Variants in MAOB observed in about 807,000 individuals in gnomAD.
MAOB encodes monoamine oxidase B.
Under a neutral mutation model 41.9 loss-of-function variants are expected in MAOB, and 15 were observed. The observed-to-expected ratio is 0.36, with a 90% confidence interval of 0.24 to 0.55. The LOEUF (loss-of-function observed/expected upper bound fraction) is 0.55, where lower values mean the gene tolerates loss of function less well. Among genes scored for constraint, MAOB ranks in the 20% least tolerant of loss-of-function variants. The pLI is 0.86. For synonymous variants in MAOB, 167 were observed against 144.2 expected (o/e 1.16, Z -1.13); for missense variants, 345 against 398.7 (o/e 0.87, Z 1.15).
chrX:43,851,558 C>T (rs1308874610), intron 1 of MAOB, among the ~76,000 whole-genome samples: 5 of 111,554 alleles, frequency 4.5e-5, no homozygotes, highest in Non-Finnish European at 9.4e-5. Flanking sequence ...AGCCCTCCTA[C>T]GGATTACCAA....
At chrX:43,797,327 T>G in intron 5 of MAOB, 61 bp from the exon 6 acceptor site, 2 of 920,852 alleles carry the variant, frequency 2.2e-6, no homozygotes, top group Non-Finnish European at 2.9e-6. Flanking sequence ...CTTAATTCTC[T>G]AAAAATTATT....
intron 1 of MAOB, among the ~76,000 whole-genome samples, chrX:43,862,502 CT>C (rs201521355): frequency 1.2e-3 from 131 of 112,594 alleles, no homozygotes; most frequent in Middle Eastern, 4.6e-3. Flanking sequence ...TCACTAAAGG[CT>C]TGTGAAAGCA....
At chrX:43,785,075 G>A (rs774839723) in intron 8 of MAOB, among the ~76,000 whole-genome samples, 2 of 112,923 alleles carry the variant, frequency 1.8e-5, no homozygotes, top group Admixed American at 9.3e-5. Flanking sequence ...TTGAACCAGG[G>A]AGCCGGAAGT....
intron 3 of MAOB, among the ~76,000 whole-genome samples, chrX:43,837,200 A>C (rs1442664332): frequency 1.8e-5 from 2 of 112,333 alleles, no homozygotes; most frequent in African/African-American, 6.5e-5. Context: ...CGGTCAAGAA[A>C]ATCTACATTT....
chrX:43,845,478 A>ATAAG (rs762350103), intron 1 of MAOB, among the ~76,000 whole-genome samples: 64 of 112,316 alleles, frequency 5.7e-4, no homozygotes, highest in Non-Finnish European at 7.5e-4. Context: ...ACCCCATGAG[A>ATAAG]TAAGTACTGT....
chrX:43,833,209 T>C (rs1174351115), intron 3 of MAOB, among the ~76,000 whole-genome samples: 1 of 111,366 alleles, frequency 9.0e-6, no homozygotes, highest in Non-Finnish European at 1.9e-5. Flanking sequence ...AATTCACAAC[T>C]AAATAACTTA....
Position 43,813,960 on chromosome X carries a change from T to G in MAOB, c.280-10556A>C, listed in dbSNP as rs535729907. On this transcript the variant is annotated intron_variant, in intron 3 of 14. Coordinates refer to ENST00000378069, the MANE Select transcript of MAOB (RefSeq NM_000898.5). ...AGGCAAAGAGGAAGTGTTGGTGGTT[T>G]GAGGTTGGTTGCAATTTTAATTAAA... Among the ~76,000 whole-genome samples the G allele has an allele frequency of 6.4e-4, 71 of 110,426 alleles. 1 individual carries two copies. The South Asian group carries it at 0.028, about 43-fold the overall frequency.
Position 43,849,916 on chromosome X carries a change from C to G in MAOB, c.47-6152G>C, listed in dbSNP as rs143957976. Among the ~76,000 whole-genome samples, 839 of 112,274 alleles carry G rather than the reference C, an allele frequency of 7.5e-3. 5 individuals carry two copies. The highest frequency in any genetic ancestry group is 0.012 in the Non-Finnish European group (622 of 53,255). ...CATACTGAAACTGATTTCCTCTGGT[C>G]ATCCAGAAATGGTAACATAAACTTT... On this transcript the variant is annotated intron_variant, in intron 1 of 14. Coordinates refer to ENST00000378069, the MANE Select transcript of MAOB (RefSeq NM_000898.5).
intron 1 of MAOB, among the ~76,000 whole-genome samples, chrX:43,876,567 T>C (rs935307240): frequency 4.5e-5 from 5 of 112,325 alleles, no homozygotes; most frequent in African/African-American, 1.6e-4. Context: ...GGGGAACAGA[T>C]GGGATTTGAG....
chrX:43,794,427 G>A (rs940889882), intron 7 of MAOB, among the ~76,000 whole-genome samples: 13 of 109,492 alleles, frequency 1.2e-4, no homozygotes, highest in African/African-American at 2.0e-4. Flanking sequence ...GATTTTTTCC[G>A]CACTAATTAT....
intron 1 of MAOB, among the ~76,000 whole-genome samples, chrX:43,857,146 G>T (rs1293536810): frequency 3.3e-5 from 2 of 61,289 alleles, no homozygotes; most frequent in South Asian, 2.2e-3. Context: ...GAGAGAGAGA[G>T]AGAGAGAGAG....
intron 5 of MAOB, among the ~76,000 whole-genome samples, chrX:43,798,163 T>G (rs1201885074): frequency 8.9e-6 from 1 of 111,794 alleles, no homozygotes; most frequent in Non-Finnish European, 1.9e-5. Flanking sequence ...TGATTATTGG[T>G]TAATTCTTTT....
At chrX:43,841,414 T>C (rs1016615768) in intron 2 of MAOB, among the ~76,000 whole-genome samples, 1 of 112,140 alleles carries the variant, frequency 8.9e-6, no homozygotes, top group Admixed American at 9.5e-5. Context: ...GTTTAGTTTA[T>C]GTGAATAAAT....
chrX:43,838,192 G>A (rs1250185470), intron 3 of MAOB, among the ~76,000 whole-genome samples: 1 of 111,707 alleles, frequency 9.0e-6, no homozygotes, highest in African/African-American at 3.3e-5. Flanking sequence ...GAAAAATCAG[G>A]ACAAAGAGGT....
At chrX:43,837,238 G>T (rs968178785) in intron 3 of MAOB, among the ~76,000 whole-genome samples, 1 of 112,734 alleles carries the variant, frequency 8.9e-6, no homozygotes, top group African/African-American at 3.2e-5. Flanking sequence ...AACAAAGGGT[G>T]TTAAGAACTG....
chrX:43,785,589 A>C (rs1366723508), intron 8 of MAOB, among the ~76,000 whole-genome samples: 2 of 112,879 alleles, frequency 1.8e-5, no homozygotes, highest in Non-Finnish European at 3.7e-5. Context: ...CTTTCAGCCT[A>C]TCTCAGCTTT....
intron 1 of MAOB, among the ~76,000 whole-genome samples, chrX:43,868,655 C>A (rs779465289): frequency 3.5e-4 from 39 of 110,226 alleles, no homozygotes; most frequent in African/African-American, 1.3e-3. Context: ...AATATCATAC[C>A]ACCCATGAAT....
intron 8 of MAOB, among the ~76,000 whole-genome samples, chrX:43,782,744 A>G (rs1426458993): frequency 8.9e-6 from 1 of 111,943 alleles, no homozygotes; most frequent in East Asian, 2.8e-4. Context: ...AATCCTCAAT[A>G]AAATACTAGC....
Position 43,774,308 on chromosome X carries a change from A to AAAC in MAOB, c.1235+864_1235+866dup, listed in dbSNP as rs1353798414. Among the ~76,000 whole-genome samples, 59 of 111,977 alleles carry AAAC rather than the reference A, an allele frequency of 5.3e-4. 1 individual carries two copies. Among genetic ancestry groups the AAAC allele is most frequent in the Admixed American group, 3.8e-4 (4 of 10,485 alleles). On this transcript the variant is annotated intron_variant, in intron 12 of 14. Transcript: ENST00000378069. ...TTTATTGTCATCAAATAAATTAACT[A>AAAC]AACAACAACACACTTGGATGTATAA...
Sources: gnomAD v4.1 joint callset for allele counts (sites outside exome capture counted in the v4.1 genomes callset) on GRCh38, gnomAD v4.1.1 for gene constraint, MANE v1.5 for transcripts, NCBI Gene and HGNC (gene_info 2026-07-23, HGNC 2026-07-21) for gene names.